TRAPPC9: variants seen among roughly 807,000 people sequenced by gnomAD.
TRAPPC9 encodes trafficking protein particle complex subunit 9.
Under a neutral mutation model 124.0 loss-of-function variants are expected in TRAPPC9, and 83 were observed. That is an observed-to-expected ratio of 0.67 (90% CI 0.56 to 0.80). The LOEUF (loss-of-function observed/expected upper bound fraction) is 0.80. TRAPPC9 is among the 30% of genes least tolerant of loss of function. TRAPPC9 has a pLI of 0.00. For missense variants in TRAPPC9, 1,302 were observed against 1,508.3 expected (o/e 0.86, Z 2.27); for synonymous variants, 638 against 617.5 (o/e 1.03, Z -0.49).
At chr8:139,929,895 C>T (rs1409221809) in intron 19 of TRAPPC9, among the ~76,000 whole-genome samples, 1 of 152,232 alleles carries the variant, frequency 6.6e-6, no homozygotes, top group African/African-American at 2.4e-5. Flanking sequence ...CCCAGCCCCT[C>T]TCTGCCTCAG....
intron 7 of TRAPPC9, among the ~76,000 whole-genome samples, chr8:140,382,210 G>T (rs974036536): frequency 6.6e-6 from 1 of 152,212 alleles, no homozygotes; most frequent in South Asian, 2.1e-4. Context: ...CTCCCAGCGT[G>T]AGCGACACAG....
At chr8:139,999,237 C>T (rs1172712923) in intron 18 of TRAPPC9, among the ~76,000 whole-genome samples, 2 of 151,864 alleles carry the variant, frequency 1.3e-5, no homozygotes, top group African/African-American at 4.8e-5. Flanking sequence ...AATAAATCCA[C>T]TCTAAATATA....
intron 21 of TRAPPC9, among the ~76,000 whole-genome samples, chr8:139,837,229 C>T (rs1468956080): frequency 6.6e-6 from 1 of 152,180 alleles, no homozygotes; most frequent in Non-Finnish European, 1.5e-5. Flanking sequence ...CCTCCTGCTG[C>T]CGCTGTTCAC....
intron 18 of TRAPPC9, among the ~76,000 whole-genome samples, chr8:140,018,277 C>T (rs1321967687): frequency 2.7e-5 from 4 of 150,344 alleles, no homozygotes; most frequent in African/African-American, 9.8e-5. Context: ...TTATTTTTTA[C>T]ATTTCATTTT....
intron 7 of TRAPPC9, among the ~76,000 whole-genome samples, chr8:140,380,824 T>C (rs1465647509): frequency 2.0e-5 from 3 of 152,066 alleles, no homozygotes; most frequent in Non-Finnish European, 2.9e-5. Flanking sequence ...CTTTTAAATA[T>C]ATAACACCAA....
intron 21 of TRAPPC9, among the ~76,000 whole-genome samples, chr8:139,863,788 T>A (rs941053704): frequency 3.9e-5 from 6 of 152,188 alleles, no homozygotes; most frequent in Non-Finnish European, 8.8e-5. Flanking sequence ...GTCTGCAGCC[T>A]TGGCTTGAAG....
chr8:140,385,448 G>T lies in TRAPPC9; in HGVS notation c.1134+12172C>A, dbSNP rs193007347. 4.0e-3 allele frequency among the ~76,000 whole-genome samples: 613 copies of T among 151,900 alleles called. 6 individuals are homozygous for T. The highest frequency in any genetic ancestry group is 0.014 in the African/African-American group (586 of 41,402). ...AGACTAATAAGAAGAAAAGAGAGAA[G>T]AATCAAATAGACGAAATAAAAAATG... On this transcript the variant is annotated intron_variant, in intron 7 of 22. Transcript: ENST00000438773.
intron 17 of TRAPPC9, among the ~76,000 whole-genome samples, chr8:140,199,995 C>T (rs1323486352): frequency 6.6e-6 from 1 of 152,070 alleles, no homozygotes. Flanking sequence ...ACTGTGTACT[C>T]TAGTTGGTAA....
intron 9 of TRAPPC9, among the ~76,000 whole-genome samples, chr8:140,322,223 C>G (rs977622828): frequency 1.3e-5 from 2 of 152,154 alleles, no homozygotes; most frequent in Admixed American, 6.5e-5. Context: ...TGGCTGCAAA[C>G]CAAACTCCAG....
chr8:139,944,783 T>C (rs1834109102), intron 19 of TRAPPC9, among the ~76,000 whole-genome samples: 1 of 152,160 alleles, frequency 6.6e-6, no homozygotes, highest in Admixed American at 6.6e-5. Context: ...ATACCTGAAA[T>C]ATTAATAAAT....
chr8:140,323,471 G>A lies in TRAPPC9; in HGVS notation c.1496-12097C>T, dbSNP rs140070447. ...GTATCTGAAAGGGTGGCGGGGAACC[G>A]TCTCATGGAACTGGACTCTCAATCT... On this transcript the variant is annotated intron_variant, in intron 9 of 22. Transcript: ENST00000438773. Among the ~76,000 whole-genome samples, 8 of 152,250 alleles carry A rather than the reference G, an allele frequency of 5.3e-5. No homozygotes were observed. The East Asian group carries it at 1.4e-3, about 26-fold the overall frequency.
chr8:140,068,369 A>G (rs1381453354), intron 17 of TRAPPC9, among the ~76,000 whole-genome samples: 2 of 152,176 alleles, frequency 1.3e-5, no homozygotes, highest in African/African-American at 4.8e-5. Flanking sequence ...AAATGCAACC[A>G]GAAGACCAAT....
At position 140,287,677 on chromosome 8, in the gene TRAPPC9, C is replaced by A; in HGVS notation, c.1912G>T (p.Ala638Ser). ...GTCACTGGGTACAGACCAGATTCAG[C>A]CGGAAGAGAAAGCGCCGCAGGGAGA... ...ESLPAALSLP[A>S]ESGLYPVTLV... The change falls in exon 13 of 23, where the codon GCT (alanine) becomes TCT (serine). Residue 638 changes from alanine to serine, a missense_variant. By Grantham distance (99) the Ala-to-Ser change is moderately conservative. This residue lies in a region of TRAPPC9 where 640 missense variants were observed against 679.3 expected (regional missense o/e 0.94). Coordinates refer to ENST00000438773, the MANE Select transcript of TRAPPC9 (RefSeq NM_001160372.4). 1 of 1,614,194 alleles carries A rather than the reference C, an allele frequency of 6.2e-7. No individual in the cohort carries two copies. Among genetic ancestry groups the A allele is most frequent in the Non-Finnish European group, 8.5e-7 (1 of 1,180,032 alleles).
chr8:140,316,520 T>C (rs4541884), intron 9 of TRAPPC9, among the ~76,000 whole-genome samples: 94,980 of 151,552 alleles, frequency 0.63, 29,812 homozygotes, highest in African/African-American at 0.69. Flanking sequence ...GATAATATGG[T>C]TTTGGTTCTT....
intron 17 of TRAPPC9, among the ~76,000 whole-genome samples, chr8:140,218,817 G>A (rs182490719): frequency 1.6e-3 from 240 of 152,106 alleles, no homozygotes; most frequent in Admixed American, 5.4e-3. Context: ...AAAATTAGCC[G>A]GGTGTGGTGG....
At chr8:140,248,958 A>G (rs1290710004) in intron 16 of TRAPPC9, among the ~76,000 whole-genome samples, 1 of 152,268 alleles carries the variant, frequency 6.6e-6, no homozygotes, top group Non-Finnish European at 1.5e-5. Flanking sequence ...TTTGAAAAAT[A>G]TCGAGCCTAC....
At chr8:139,901,463 C>T (rs1831014594) in intron 20 of TRAPPC9, among the ~76,000 whole-genome samples, 1 of 152,258 alleles carries the variant, frequency 6.6e-6, no homozygotes, top group South Asian at 2.1e-4. Flanking sequence ...CTCAGCTGAG[C>T]TCCCTGGTGT....
chr8:139,779,460 A>G (rs929062577), intron 21 of TRAPPC9, among the ~76,000 whole-genome samples: 3 of 152,234 alleles, frequency 2.0e-5, no homozygotes, highest in Admixed American at 2.0e-4. Context: ...GAGTAAATAC[A>G]TAAGATTTTC....
In TRAPPC9 at chr8:140,353,144, C is replaced by T. The variant is rs941123069; in HGVS notation, c.1495+6906G>A. Among the ~76,000 whole-genome samples the T allele has an allele frequency of 1.3e-5, 2 of 152,202 alleles. No individual in the cohort carries two copies. The highest frequency in any genetic ancestry group is 6.5e-5 in the Admixed American group (1 of 15,284). On this transcript the variant is annotated intron_variant, in intron 9 of 22. Coordinates refer to ENST00000438773, the MANE Select transcript of TRAPPC9 (RefSeq NM_001160372.4). The surrounding 1 kb of genome is among the most constrained non-coding windows in gnomAD (Gnocchi z 4.2). ...TAAACCAAAAGACTTCAGATCCCAA[C>T]AAGACCAAGCCCAGGAAATCATGTG... is the stretch of plus-strand genomic sequence containing the variant.
Sources: gnomAD v4.1 joint callset for allele counts (sites outside exome capture counted in the v4.1 genomes callset) on GRCh38, gnomAD v4.1.1 for gene constraint, gnomAD v4.1.1 regional missense constraint, Gnocchi (gnomAD v3.1) non-coding constraint, MANE v1.5 for transcripts, NCBI Gene and HGNC (gene_info 2026-07-23, HGNC 2026-07-21) for gene names.